KCNK18: variants seen among roughly 807,000 people sequenced by gnomAD.
The protein encoded by KCNK18 is potassium channel subfamily K member 18.
Under a neutral mutation model 11.8 loss-of-function variants are expected in KCNK18, and 8 were observed. The ratio of observed to expected loss-of-function variants is 0.68; its 90% CI spans 0.40 to 1.22. The LOEUF (loss-of-function observed/expected upper bound fraction) is 1.22, where lower values mean the gene tolerates loss of function less well. KCNK18 is among the 50% of genes most tolerant of loss of function. KCNK18 has a pLI of 0.01. For synonymous variants in KCNK18, 208 were observed against 185.8 expected (o/e 1.12, Z -0.97); for missense variants, 442 against 465.4 (o/e 0.95, Z 0.46).
At chr10:117,208,152 T>C (rs1855096958) in intron 2 of KCNK18, among the ~76,000 whole-genome samples, 1 of 152,274 alleles carries the variant, frequency 6.6e-6, no homozygotes, top group South Asian at 2.1e-4. Flanking sequence ...GTTGGGGACC[T>C]GAGAGTCCTG....
chr10:117,201,188 G>A lies in KCNK18; in HGVS notation c.253G>A (p.Gly85Arg), dbSNP rs948464463. Residue 85 changes from glycine to arginine, a missense_variant, in exon 2 of 3, where the codon GGG becomes AGG. Coordinates refer to ENST00000334549, the MANE Select transcript of KCNK18 (RefSeq NM_181840.1). The stretch of plus-strand genomic sequence containing the variant: ...GGAAGACAGAAAACAGGATCTCCAG[G>A]GGCATCTGCAGAAGGTGAAGCCTCA... ...VVEDRKQDLQ[G>R]HLQKVKPQWF... The A allele has an allele frequency of 1.2e-6, 2 of 1,614,016 alleles. No homozygotes were observed. Among genetic ancestry groups the A allele is most frequent in the African/African-American group, 1.3e-5 (1 of 74,932 alleles).
chr10:117,202,097 G>A (rs1193941820), intron 2 of KCNK18, among the ~76,000 whole-genome samples: 5 of 152,224 alleles, frequency 3.3e-5, no homozygotes, highest in Non-Finnish European at 5.9e-5. Flanking sequence ...GGGACTGTGG[G>A]CCCTCTCCTC....
chr10:117,203,615 C>T (rs1469537457), intron 2 of KCNK18, among the ~76,000 whole-genome samples: 1 of 152,242 alleles, frequency 6.6e-6, no homozygotes, highest in Non-Finnish European at 1.5e-5. Context: ...TCTCAGCTCA[C>T]TGCAACCTCC....
chr10:117,202,371 C>T (rs1439077983), intron 2 of KCNK18, among the ~76,000 whole-genome samples: 1 of 152,238 alleles, frequency 6.6e-6, no homozygotes, highest in African/African-American at 2.4e-5. Flanking sequence ...AACAGAAAAC[C>T]CAACTCGCCT....
Position 117,202,885 on chromosome 10 carries a change from G to GTT in KCNK18, c.352+1598_352+1599insTT, listed in dbSNP as rs750157980. On this transcript the variant is annotated intron_variant, in intron 2 of 2. Transcript: ENST00000334549. ...CGTGGTTTCTCCCATTTGCCTGAAT[G>GTT]CTTTTTTTTTTTTTTTTTTTTTTGA... Among the ~76,000 whole-genome samples the GTT allele has an allele frequency of 6.7e-4, 75 of 111,282 alleles. 16 individuals are homozygous for GTT. Among genetic ancestry groups the GTT allele is most frequent in the African/African-American group, 7.6e-4 (21 of 27,666 alleles). 73.0% of individuals were successfully genotyped at this position (111,282 alleles called of 152,430 possible).
chr10:117,208,466 G>A (rs1216181550), intron 2 of KCNK18, among the ~76,000 whole-genome samples: 1 of 152,114 alleles, frequency 6.6e-6, no homozygotes, highest in Non-Finnish European at 1.5e-5. Flanking sequence ...CTGAAAATAT[G>A]AGCAGTCAAG....
rs770765805 is a variant in KCNK18 at position 117,209,731 on chromosome 10, A to T, written c.587A>T (p.Asp196Val). 2 of 1,614,024 alleles carry T rather than the reference A, an allele frequency of 1.2e-6. No individual in the cohort carries two copies. The highest frequency in any genetic ancestry group is 3.3e-5 in the Admixed American group (2 of 59,998). The change falls in exon 3 of 3, where the codon GAT (aspartate) becomes GTT (valine). Residue 196 changes from aspartate to valine, a missense_variant. Physicochemically the swap from Asp to Val is radical, Grantham distance 152 (BLOSUM62 -3). Transcript: ENST00000334549. ...FKKKPDPKPA[D>V]EAVPQIIISA... is the part of the protein sequence containing the mutation. ...AAAAAACCGGACCCCAAGCCCGCAG[A>T]TGAAGCTGTCCCTCAGATCATCATC...
intron 2 of KCNK18, among the ~76,000 whole-genome samples, chr10:117,204,442 A>G (rs1855053230): frequency 1.3e-5 from 2 of 152,018 alleles, no homozygotes; most frequent in South Asian, 4.2e-4. Flanking sequence ...ATGCAATAGC[A>G]CTTTCCCCAC....
chr10:117,197,726 T>C lies in KCNK18; in HGVS notation c.223+15T>C, dbSNP rs1564988830. On this transcript the variant is annotated intron_variant, in intron 1 of 2. Coordinates refer to ENST00000334549, the MANE Select transcript of KCNK18 (RefSeq NM_181840.1). ...CAGTGAAACAGGTAGGTGCCTCACC[T>C]GGACAGGGTGGGCCTTTTCTCCGTG... 3.7e-6 allele frequency: 6 copies of C among 1,608,924 alleles called. No homozygotes were observed. In the South Asian group the frequency reaches 6.6e-5, roughly 18 times the overall value.
At chr10:117,201,438 T>C (rs1855013261) in intron 2 of KCNK18, 151 bp downstream of exon 2, 4 of 838,620 alleles carry the variant, frequency 4.8e-6, no homozygotes, top group Non-Finnish European at 7.7e-6. Flanking sequence ...CACCTACAAA[T>C]AGCAGCAGCT....
chr10:117,205,141 T>C (rs1855061707), intron 2 of KCNK18, among the ~76,000 whole-genome samples: 1 of 152,318 alleles, frequency 6.6e-6, no homozygotes, highest in South Asian at 2.1e-4. Flanking sequence ...ACAGGATACC[T>C]GACAGCTGTG....
intron 1 of KCNK18, among the ~76,000 whole-genome samples, chr10:117,199,320 A>G (rs568420499): frequency 6.6e-6 from 1 of 152,320 alleles, no homozygotes; most frequent in South Asian, 2.1e-4. Flanking sequence ...AGATGTCTCA[A>G]AAATAAATAA....
intron 2 of KCNK18, among the ~76,000 whole-genome samples, chr10:117,205,581 T>C (rs575299132): frequency 8.5e-4 from 130 of 152,318 alleles, no homozygotes; most frequent in African/African-American, 3.1e-3. Context: ...ACCATCCTCC[T>C]GTCCTGCTGA....
At chr10:117,209,165 C>CT (rs1855110567) in intron 2 of KCNK18, among the ~76,000 whole-genome samples, 1 of 152,174 alleles carries the variant, frequency 6.6e-6, no homozygotes, top group Non-Finnish European at 1.5e-5. Context: ...TGAGCCCTTC[C>CT]TTTGGGGGGT....
At position 117,209,776 on chromosome 10, in the gene KCNK18, G is replaced by C; in HGVS notation, c.632G>C (p.Gly211Ala). 2 of 1,614,094 alleles carry C rather than the reference G, an allele frequency of 1.2e-6. No homozygotes were observed. The highest frequency in any genetic ancestry group is 1.7e-6 in the Non-Finnish European group (2 of 1,180,036). The change falls in exon 3 of 3, where the codon GGC (glycine) becomes GCC (alanine). Residue 211 changes from glycine (G) to alanine (A), a missense_variant. Transcript: ENST00000334549. ...ATCATCAGTGCTGAAGAGCTTCCAG[G>C]CCCCAAACTTGGCACATGTCCTTCA... is the stretch of plus-strand genomic sequence containing the variant. ...QIIISAEELP[G>A]PKLGTCPSRP...
intron 2 of KCNK18, among the ~76,000 whole-genome samples, chr10:117,202,606 G>A (rs953204865): frequency 6.6e-6 from 1 of 152,230 alleles, no homozygotes; most frequent in Non-Finnish European, 1.5e-5. Context: ...CTCTCTGCAT[G>A]GTTCATCAGC....
intron 2 of KCNK18, among the ~76,000 whole-genome samples, chr10:117,207,665 C>G (rs548734833): frequency 4.6e-4 from 70 of 152,268 alleles, no homozygotes; most frequent in African/African-American, 1.6e-3. Flanking sequence ...ACTGATGAGA[C>G]TCTTTGAGAG....
At chr10:117,197,854 C>G in intron 1 of KCNK18, 143 bp downstream of exon 1, 1 of 715,292 alleles carries the variant, frequency 1.4e-6, no homozygotes, top group Non-Finnish European at 2.5e-6. Flanking sequence ...AAGCGAGTAA[C>G]TTCTTTCTGA....
rs374314144 is a variant in KCNK18 at position 117,210,179 on chromosome 10, C to T, written c.1035C>T (p.Ile345=). 46 of 1,613,904 alleles carry T rather than the reference C, an allele frequency of 2.9e-5. No individual in the cohort carries two copies. Among genetic ancestry groups the T allele is most frequent in the Admixed American group, 6.7e-5 (4 of 59,998 alleles). ...TCCTGTTCTTCTCCATTTATATCAT[C>T]GTTGGAATGGAGATTGTGTTCATTG... ...NFFLFFSIYI[I]VGMEIVFIAF... Residue 345 remains isoleucine, a synonymous_variant, in exon 3 of 3, where the codon ATC becomes ATT. Coordinates refer to ENST00000334549, the MANE Select transcript of KCNK18 (RefSeq NM_181840.1).
Sources: allele counts gnomAD v4.1 joint callset (sites outside exome capture counted in the v4.1 genomes callset), GRCh38; gene constraint gnomAD v4.1.1; transcripts MANE v1.5; gene names NCBI Gene and HGNC (gene_info 2026-07-23, HGNC 2026-07-21).